The following KLF12 variants were observed in gnomAD, a reference collection of about 807,000 sequenced individuals.
The protein encoded by KLF12 is Krueppel-like factor 12.
A neutral mutation model predicts 37.8 loss-of-function variants in KLF12; 9 were observed. That is an observed-to-expected ratio of 0.24 (90% CI 0.14 to 0.42). The LOEUF is 0.42. Ranked by LOEUF, KLF12 falls within the 10% of genes least tolerant of loss-of-function variation. The pLI, the probability that KLF12 is intolerant of heterozygous loss-of-function variation, is 1.00. For missense variants in KLF12, 411 were observed against 516.0 expected (o/e 0.80, Z 1.97); for synonymous variants, 208 against 202.1 (o/e 1.03, Z -0.25).
chr13:74,174,765 T>C, the KLF12 span, among the ~76,000 whole-genome samples: 6 of 152,240 alleles, frequency 3.9e-5, no homozygotes, highest in Non-Finnish European at 8.8e-5. Context: ...CATTTGCTCA[T>C]TTTAGTTTGT....
chr13:74,254,018 C>G, the KLF12 span, among the ~76,000 whole-genome samples: 1 of 152,164 alleles, frequency 6.6e-6, no homozygotes, highest in African/African-American at 2.4e-5. Context: ...TTCTCTCCCT[C>G]AAAGCTGGTT....
At chr13:74,289,249 A>G in the KLF12 span, 3 of 152,228 alleles carry the variant, frequency 2.0e-5, no homozygotes, top group African/African-American at 7.2e-5. Context: ...GAAGCCATAC[A>G]AGTACAGACA....
At chr13:74,134,444 C>T (rs1025988994), upstream of KLF12, among the ~76,000 whole-genome samples, 6 of 152,130 alleles carry the variant, frequency 3.9e-5, no homozygotes, top group East Asian at 3.9e-4. Context: ...CCCCTCCCCG[C>T]TCGCAGAGGT....
intron 3 of KLF12, among the ~76,000 whole-genome samples, chr13:73,864,610 T>C (rs2138827626): frequency 6.6e-6 from 1 of 152,234 alleles, no homozygotes; most frequent in East Asian, 1.9e-4. Flanking sequence ...TATTATTGAC[T>C]ATAAATCCAA....
chr13:73,971,378 C>T (rs974163342), intron 2 of KLF12, among the ~76,000 whole-genome samples: 5 of 152,114 alleles, frequency 3.3e-5, no homozygotes, highest in Non-Finnish European at 5.9e-5. Flanking sequence ...ATACTGCCAG[C>T]CTCTAATGCA....
At chr13:73,882,002 A>C (rs1887006302) in intron 3 of KLF12, among the ~76,000 whole-genome samples, 1 of 152,230 alleles carries the variant, frequency 6.6e-6, no homozygotes, top group African/African-American at 2.4e-5. Flanking sequence ...TTTGTCTACG[A>C]AATGAACAGA....
At chr13:74,290,400 C>T in the KLF12 span, among the ~76,000 whole-genome samples, 1 of 152,092 alleles carries the variant, frequency 6.6e-6, no homozygotes, top group Non-Finnish European at 1.5e-5. Context: ...TTTGTCTGCT[C>T]AAAGGCAATG....
At position 74,007,379 on chromosome 13, in the gene KLF12, G is replaced by A. The variant is rs559422409; in HGVS notation, c.-31-12326C>T. Among the ~76,000 whole-genome samples, 8 of 151,672 alleles carry A rather than the reference G, an allele frequency of 5.3e-5. No individual in the cohort carries two copies. In the South Asian group the frequency reaches 6.2e-4, roughly 12 times the overall value. On this transcript the variant is annotated intron_variant, in intron 1 of 7. Coordinates refer to ENST00000377669, the MANE Select transcript of KLF12 (RefSeq NM_007249.5). ...CAAGCTCCATCCCCCCCGGGTTCAC[G>A]TCATTCTCCTGCCTCAGTCTCAGCT...
At chr13:74,202,320 G>A in the KLF12 span, among the ~76,000 whole-genome samples, 3 of 152,062 alleles carry the variant, frequency 2.0e-5, no homozygotes, top group Admixed American at 1.3e-4. Context: ...GGCCAGGACA[G>A]TATCCACTTT....
At chr13:74,068,165 T>C (rs550389686) in intron 1 of KLF12, among the ~76,000 whole-genome samples, 57 of 152,350 alleles carry the variant, frequency 3.7e-4, no homozygotes, top group South Asian at 1.2e-3. Context: ...TTTTAAAATG[T>C]GATTTAATTA....
intron 2 of KLF12, among the ~76,000 whole-genome samples, chr13:73,958,556 A>C (rs551427167): frequency 1.3e-5 from 2 of 151,840 alleles, no homozygotes; most frequent in African/African-American, 4.8e-5. Flanking sequence ...TTTTTTTTTT[A>C]AACTTGTAAA....
intron 6 of KLF12, among the ~76,000 whole-genome samples, chr13:73,720,849 A>T (rs1490557320): frequency 2.0e-5 from 3 of 152,228 alleles, no homozygotes; most frequent in Non-Finnish European, 4.4e-5. Flanking sequence ...GCATGATGAG[A>T]TGTCCTTCAC....
intron 7 of KLF12, among the ~76,000 whole-genome samples, chr13:73,709,218 G>A (rs889403955): frequency 6.6e-6 from 1 of 152,096 alleles, no homozygotes; most frequent in African/African-American, 2.4e-5. Flanking sequence ...ATATGTTTAA[G>A]TTACTAAGTT....
intron 6 of KLF12, among the ~76,000 whole-genome samples, chr13:73,751,584 G>A (rs1253075332): frequency 6.6e-6 from 1 of 152,052 alleles, no homozygotes; most frequent in Admixed American, 6.6e-5. Flanking sequence ...AAATAAATGT[G>A]GGTTATGACA....
chr13:73,972,986 G>C (rs1424727425), intron 2 of KLF12, among the ~76,000 whole-genome samples: 1 of 151,876 alleles, frequency 6.6e-6, no homozygotes, highest in Non-Finnish European at 1.5e-5. Context: ...AAATCAGAAA[G>C]CCTAATGAGG....
chr13:73,783,182 G>A (rs1881082598), intron 5 of KLF12, among the ~76,000 whole-genome samples: 2 of 151,724 alleles, frequency 1.3e-5, no homozygotes, highest in Admixed American at 1.3e-4. Flanking sequence ...GCAGCAACAT[G>A]CATGGAACTG....
intron 3 of KLF12, among the ~76,000 whole-genome samples, chr13:73,937,154 T>C (rs779027965): frequency 7.3e-5 from 11 of 151,278 alleles, no homozygotes; most frequent in Non-Finnish European, 1.2e-4. Context: ...CGTGCCACTG[T>C]ACTCCAGCCT....
At chr13:74,093,785 T>C (rs1048758147) in intron 1 of KLF12, among the ~76,000 whole-genome samples, 2 of 151,734 alleles carry the variant, frequency 1.3e-5, no homozygotes, top group African/African-American at 2.4e-5. Flanking sequence ...ATCATTTCTC[T>C]AGGTAAGTAA....
chr13:73,810,043 C>T (rs773945339), intron 5 of KLF12, among the ~76,000 whole-genome samples: 9 of 152,018 alleles, frequency 5.9e-5, no homozygotes, highest in Non-Finnish European at 8.8e-5. Context: ...GTGAGGAGTT[C>T]GAGACCAACT....
Sources: allele counts gnomAD v4.1 joint callset (sites outside exome capture counted in the v4.1 genomes callset), GRCh38; gene constraint gnomAD v4.1.1; transcripts MANE v1.5; gene names NCBI Gene and HGNC (gene_info 2026-07-23, HGNC 2026-07-21).